TTC17: variants seen among roughly 807,000 people sequenced by gnomAD.
The protein encoded by TTC17 is tetratricopeptide repeat domain 17.
In TTC17, 58 loss-of-function variants were observed where a neutral mutation model predicts 143.8. The ratio of observed to expected loss-of-function variants is 0.40; its 90% CI spans 0.33 to 0.50. The LOEUF is 0.50. Among genes scored for constraint, TTC17 ranks in the 20% least tolerant of loss-of-function variants. The pLI is 0.49. For missense variants in TTC17, 1,273 were observed against 1,392.5 expected, an observed-to-expected ratio of 0.91 and a Z score of 1.37; for synonymous variants, 501 against 497.8, an observed-to-expected ratio of 1.01 and a Z score of -0.09.
chr11:43,482,119 A>T (rs1021084956), intron 21 of TTC17, among the ~76,000 whole-genome samples: 2 of 152,146 alleles, frequency 1.3e-5, no homozygotes, highest in African/African-American at 4.8e-5. Flanking sequence ...TTGATCTTAA[A>T]TAATCAGTTT....
rs537503775 is a variant in TTC17 at position 43,493,848 on chromosome 11, C to T, written c.3370C>T (p.Arg1124Ter). ...LQPEFVPAKN[R>*]IQTIQCHLML... ...GCCCGAGTTTGTCCCAGCCAAGAAC[C>T]GAATCCAGACCATCCAGTGTCACTT... The change falls in exon 24 of 24, where the codon CGA becomes TGA. Residue 1124 changes from arginine (R) to a stop codon, truncating the protein, a stop_gained. Coordinates refer to ENST00000039989, the MANE Select transcript of TTC17 (RefSeq NM_018259.6). LOFTEE classifies it high-confidence loss of function. The T allele has an allele frequency of 4.3e-6, 7 of 1,613,866 alleles. No individual in the cohort carries two copies. The highest frequency in any genetic ancestry group is 5.9e-6 in the Non-Finnish European group (7 of 1,179,960).
chr11:43,446,383 T>C (rs1389973897), intron 18 of TTC17: 1 of 230,912 alleles, frequency 4.3e-6, no homozygotes, highest in African/African-American at 2.3e-5. Flanking sequence ...TGTAATGATT[T>C]GTTTATGTTT....
At chr11:43,370,580 A>G (rs771020146) in intron 1 of TTC17, among the ~76,000 whole-genome samples, 17 of 152,096 alleles carry the variant, frequency 1.1e-4, no homozygotes, top group Non-Finnish European at 2.1e-4. Flanking sequence ...CATGTTACGT[A>G]GTGTTCTAAA....
At chr11:43,426,638 A>C (rs371302228) in intron 16 of TTC17, among the ~76,000 whole-genome samples, 12 of 152,220 alleles carry the variant, frequency 7.9e-5, no homozygotes, top group East Asian at 5.8e-4. Context: ...CTACCAATGC[A>C]AAGGACATTT....
At chr11:43,490,200 C>A in intron 21 of TTC17, 39 bp from the exon 22 acceptor site, 2 of 1,584,570 alleles carry the variant, frequency 1.3e-6, no homozygotes, top group South Asian at 1.1e-5. Flanking sequence ...TGAGTATGTT[C>A]TTGAAAGGAC....
intron 1 of TTC17, among the ~76,000 whole-genome samples, chr11:43,377,060 G>A (rs1174934113): frequency 2.6e-5 from 4 of 152,132 alleles, no homozygotes; most frequent in African/African-American, 7.2e-5. Context: ...TTTGGGGGCC[G>A]AGGCGGGCGA....
rs74235667 is a variant in TTC17 at position 43,463,945 on chromosome 11, A to G, written c.3030+12680A>G. 3.4e-3 allele frequency among the ~76,000 whole-genome samples: 522 copies of G among 152,354 alleles called. 9 individuals carry two copies. The highest frequency in any genetic ancestry group is 0.029 in the East Asian group (149 of 5,186). On this transcript the variant is annotated intron_variant, in intron 21 of 23. Transcript: ENST00000039989. Reference sequence around the variant, plus strand: ...GGCAGCATCTCATCAGTGAAAGGAAATGTATGTTTTAATGCTAAATAGGGG... The same window carrying G: ...GGCAGCATCTCATCAGTGAAAGGAAGTGTATGTTTTAATGCTAAATAGGGG...
intron 16 of TTC17, among the ~76,000 whole-genome samples, chr11:43,415,308 T>A (rs1397673115): frequency 6.6e-6 from 1 of 152,212 alleles, no homozygotes; most frequent in Non-Finnish European, 1.5e-5. Flanking sequence ...TATATGCCTG[T>A]GTATAGGTGT....
At chr11:43,400,282 C>T (rs1857795213) in intron 9 of TTC17, among the ~76,000 whole-genome samples, 1 of 152,088 alleles carries the variant, frequency 6.6e-6, no homozygotes, top group Non-Finnish European at 1.5e-5. Context: ...TCTTGTAGAT[C>T]CTAGAAGTCT....
At chr11:43,451,760 G>C (rs929510683) in intron 21 of TTC17, among the ~76,000 whole-genome samples, 37 of 152,264 alleles carry the variant, frequency 2.4e-4, no homozygotes, top group African/African-American at 8.7e-4. Context: ...TGTGATATTT[G>C]TGTAAAGAGG....
rs1230904124 is a variant in TTC17, at chr11:43,448,232, C to T, written c.2786+110C>T. 3 of 1,456,828 alleles carry T rather than the reference C, an allele frequency of 2.1e-6. No individual in the cohort carries two copies. In the South Asian group the frequency reaches 4.1e-5, roughly 20 times the overall value. The allele number at this position is 1,456,828 out of a possible 1,614,324, so 90.2% of individuals were successfully genotyped here. ...AGTAGAAGAGTTATCCTTTCTAGAG[C>T]TGAATTTTCAAAGGATGACCATGCT... On this transcript the variant is annotated intron_variant, in intron 19 of 23. Coordinates refer to ENST00000039989, the MANE Select transcript of TTC17 (RefSeq NM_018259.6).
Position 43,456,574 on chromosome 11 carries a change from A to G in TTC17, c.3030+5309A>G, listed in dbSNP as rs189420237. Among the ~76,000 whole-genome samples the G allele has an allele frequency of 4.6e-3, 701 of 152,330 alleles. 1 individual carries two copies. The highest frequency in any genetic ancestry group is 0.016 in the African/African-American group (676 of 41,560). On this transcript the variant is annotated intron_variant, in intron 21 of 23. Transcript: ENST00000039989. The stretch of plus-strand genomic sequence containing the variant: ...CTTCTAAAATCATGTTTTTAAAGCT[A>G]TCACAAAACTAGGCAAGCAACAAGA...
chr11:43,468,695 G>T (rs1193013440), intron 21 of TTC17, among the ~76,000 whole-genome samples: 1 of 152,090 alleles, frequency 6.6e-6, no homozygotes, highest in Non-Finnish European at 1.5e-5. Flanking sequence ...ATCACCTTGG[G>T]AGGCCAAAAC....
At chr11:43,482,869 A>G (rs1177403404) in intron 21 of TTC17, among the ~76,000 whole-genome samples, 1 of 152,150 alleles carries the variant, frequency 6.6e-6, no homozygotes, top group Non-Finnish European at 1.5e-5. Flanking sequence ...TGTAGAAATC[A>G]ATGAAATAGA....
In TTC17 at chr11:43,443,304, G is replaced by A. The variant is rs377003418; in HGVS notation, c.2252-21G>A. On this transcript the variant is annotated intron_variant, in intron 16 of 23. Transcript: ENST00000039989. Reference sequence around the variant, plus strand: ...TGAGTACTGTGTACCTTTTACTAACGTGCTGGCCCTTGAATTTCAGGTACG... The same window carrying A: ...TGAGTACTGTGTACCTTTTACTAACATGCTGGCCCTTGAATTTCAGGTACG... 3.0e-5 allele frequency: 48 copies of A among 1,612,590 alleles called. 1 individual carries two copies. The highest frequency in any genetic ancestry group is 2.8e-4 in the South Asian group (25 of 90,788).
intron 1 of TTC17, among the ~76,000 whole-genome samples, chr11:43,371,649 C>G (rs915570355): frequency 3.3e-5 from 5 of 152,240 alleles, no homozygotes; most frequent in African/African-American, 1.2e-4. Context: ...TAACCTTCAG[C>G]CCCTCTTCTC....
chr11:43,397,944 G>GTGTGTGTA (rs748397835), intron 7 of TTC17, 30 bp from the exon 8 acceptor site: 1 of 1,394,824 alleles, frequency 7.2e-7, no homozygotes, highest in South Asian at 1.2e-5. Flanking sequence ...GTGTGTGTGT[G>GTGTGTGTA]TGTGTGTATG....
intron 1 of TTC17, 185 bp downstream of exon 1, chr11:43,359,298 T>G: frequency 1.4e-6 from 1 of 717,800 alleles, no homozygotes; most frequent in South Asian, 2.5e-5. Flanking sequence ...CCCACTTGTC[T>G]CCTGGTCCTC....
Position 43,389,835 on chromosome 11 carries a change from CT to C in TTC17, c.419+17del, listed in dbSNP as rs1857310718. The C allele has an allele frequency of 6.4e-7, 1 of 1,564,538 alleles. No individual in the cohort carries two copies. Among genetic ancestry groups the C allele is most frequent in the Non-Finnish European group, 8.6e-7 (1 of 1,159,406 alleles). ...CAAAGACATCAGGTAAAGAAGTTCT[CT>C]TTCCAAAAATAAAATTGCTGTTTCA... On this transcript the variant is annotated intron_variant, in intron 3 of 23. Transcript: ENST00000039989.
Sources: allele counts gnomAD v4.1 joint callset (sites outside exome capture counted in the v4.1 genomes callset), GRCh38; gene constraint gnomAD v4.1.1; transcripts MANE v1.5; gene names NCBI Gene and HGNC (gene_info 2026-07-23, HGNC 2026-07-21).